Variants in ZNF385D observed in about 807,000 individuals in gnomAD.
ZNF385D encodes the protein zinc finger protein 659.
Under a neutral mutation model 35.8 loss-of-function variants are expected in ZNF385D, and 15 were observed. That is an observed-to-expected ratio of 0.42 (90% CI 0.28 to 0.64). ZNF385D has a LOEUF of 0.64. ZNF385D is among the 30% of genes least tolerant of loss of function. The probability of loss-of-function intolerance (pLI) is 0.23; values close to 1 mark genes in which losing one functional copy is unlikely to be tolerated. For synonymous variants in ZNF385D, 212 were observed against 186.8 expected, an observed-to-expected ratio of 1.13 and a Z score of -1.10; for missense variants, 474 against 494.6, an observed-to-expected ratio of 0.96 and a Z score of 0.39.
intron 3 of ZNF385D, among the ~76,000 whole-genome samples, chr3:21,886,685 T>A (rs1252462767): frequency 1.3e-4 from 20 of 152,160 alleles, no homozygotes; most frequent in Admixed American, 1.3e-3. Flanking sequence ...AGACAGCTGA[T>A]ATATATTTAT....
chr3:22,003,230 C>A (rs904714387), intron 3 of ZNF385D, among the ~76,000 whole-genome samples: 32 of 152,166 alleles, frequency 2.1e-4, no homozygotes, highest in African/African-American at 7.7e-4. Context: ...AGCTAACTTG[C>A]AGGATACAAA....
intron 3 of ZNF385D, among the ~76,000 whole-genome samples, chr3:21,758,305 T>A (rs1036211825): frequency 1.3e-5 from 2 of 152,188 alleles, no homozygotes; most frequent in African/African-American, 2.4e-5. Context: ...CAGAAATGCA[T>A]CCCATAGGCA....
At position 21,539,911 on chromosome 3, in the gene ZNF385D, T is replaced by G. The variant is rs1223637957; in HGVS notation, c.276+24663A>C. On this transcript the variant is annotated intron_variant, in intron 3 of 7. Transcript: ENST00000281523. The surrounding 1 kb of genome is among the most constrained non-coding windows in gnomAD (Gnocchi z 4.0). ...AAATATTTACTTCTCTATGTCTTTT[T>G]AAACCATGAAGATAGCTAGTTAGTT... Among the ~76,000 whole-genome samples the G allele has an allele frequency of 6.6e-6, 1 of 152,138 alleles. No homozygotes were observed. The highest frequency in any genetic ancestry group is 1.5e-5 in the Non-Finnish European group (1 of 67,996).
At chr3:21,755,139 GCTCAGTTGTGT>G (rs2070283248), upstream of ZNF385D, among the ~76,000 whole-genome samples, 1 of 152,200 alleles carries the variant, frequency 6.6e-6, no homozygotes, top group Non-Finnish European at 1.5e-5. Flanking sequence ...AGTTAGCATA[GCTCAGTTGTGT>G]CTTCCATTGC....
At chr3:22,173,259 G>C (rs1410763613) in intron 2 of ZNF385D, among the ~76,000 whole-genome samples, 2 of 152,112 alleles carry the variant, frequency 1.3e-5, no homozygotes, top group African/African-American at 2.4e-5. Flanking sequence ...ATGGGGCCTT[G>C]AAATAAAACA....
At chr3:21,693,667 G>A (rs1009010462) in intron 1 of ZNF385D, among the ~76,000 whole-genome samples, 4 of 151,922 alleles carry the variant, frequency 2.6e-5, no homozygotes, top group South Asian at 2.1e-4. Context: ...AAGTATAACA[G>A]GTGTTAGAAA....
At chr3:22,049,524 A>G (rs1225921981) in intron 3 of ZNF385D, among the ~76,000 whole-genome samples, 1 of 151,974 alleles carries the variant, frequency 6.6e-6, no homozygotes, top group Non-Finnish European at 1.5e-5. Context: ...ATCTTGCCTA[A>G]TGGCTCTAGC....
In ZNF385D at chr3:21,862,126, T is replaced by A. The variant is rs142964071; in HGVS notation, c.326-197098A>T. 8.2e-3 allele frequency among the ~76,000 whole-genome samples: 1,250 copies of A among 152,174 alleles called. 23 individuals carry two copies. The highest frequency in any genetic ancestry group is 0.028 in the African/African-American group (1,172 of 41,530). ...GTAGGTAGTAGGACAAACAGCCGAG[T>A]ACCTTGCTTATATGATCACTTTTCC... On this transcript the variant is annotated intron_variant, in intron 3 of 5. Coordinates refer to the ZNF385D transcript ENST00000494108.
chr3:22,174,741 G>A (rs139467663), intron 2 of ZNF385D, among the ~76,000 whole-genome samples: 231 of 152,144 alleles, frequency 1.5e-3, no homozygotes, highest in African/African-American at 5.2e-3. Context: ...CGATAACACT[G>A]AAATACAACT....
chr3:21,954,226 C>A lies in ZNF385D; in HGVS notation c.325+214591G>T, dbSNP rs1253303795. On this transcript the variant is annotated intron_variant, in intron 3 of 5. Coordinates refer to the ZNF385D transcript ENST00000494108. ...CTTTGCTGTAACAAGGGTCTTATAA[C>A]AATGACAACTTCAATGCCTGAATAT... is the stretch of plus-strand genomic sequence containing the variant. Among the ~76,000 whole-genome samples, 3 of 151,816 alleles carry A rather than the reference C, an allele frequency of 2.0e-5. No individual in the cohort carries two copies. In the East Asian group the frequency reaches 5.8e-4, roughly 29 times the overall value.
chr3:21,678,180 C>T (rs752704504), intron 1 of ZNF385D, among the ~76,000 whole-genome samples: 2 of 152,026 alleles, frequency 1.3e-5, no homozygotes, highest in African/African-American at 2.4e-5. Context: ...TTCCTTATAC[C>T]TCTGGCAAAG....
chr3:22,037,371 CTGT>C (rs1410344704), intron 3 of ZNF385D, among the ~76,000 whole-genome samples: 1 of 151,406 alleles, frequency 6.6e-6, no homozygotes, highest in South Asian at 2.1e-4. Flanking sequence ...TCTCCAGCAC[CTGT>C]TGTTTCCTGA....
At chr3:22,249,426 C>T (rs992948133) in intron 2 of ZNF385D, among the ~76,000 whole-genome samples, 1 of 152,120 alleles carries the variant, frequency 6.6e-6, no homozygotes, top group African/African-American at 2.4e-5. Context: ...ACGAGGGTCT[C>T]TTAAGCATTC....
chr3:22,259,411 C>A (rs1700500984), intron 2 of ZNF385D, among the ~76,000 whole-genome samples: 1 of 151,912 alleles, frequency 6.6e-6, no homozygotes, highest in African/African-American at 2.4e-5. Context: ...CTGCCAAATA[C>A]CAGTATAAGA....
rs1181880691 is a variant in ZNF385D, at chr3:21,420,234, C to T, written c.*980G>A. ...TAAAGGGGATACTGCAGAGATGCAA[C>T]ATTCTCCGTTTTTACTGGATATGTA... On this transcript the variant is annotated 3_prime_UTR_variant, in exon 8 of 8. Transcript: ENST00000281523. 6.6e-6 allele frequency: 1 copy of T among 152,172 alleles called. No homozygotes were observed. Among genetic ancestry groups the T allele is most frequent in the Non-Finnish European group, 1.5e-5 (1 of 68,034 alleles). 9.4% of individuals were successfully genotyped at this position (152,172 alleles called of 1,614,324 possible). A position where few individuals can be genotyped will look rare whatever the true frequency, so the allele number is the denominator to read the frequency against.
chr3:22,282,557 A>G (rs1009487772), intron 2 of ZNF385D, among the ~76,000 whole-genome samples: 1 of 151,966 alleles, frequency 6.6e-6, no homozygotes, highest in Non-Finnish European at 1.5e-5. Flanking sequence ...TTCCTTTTGG[A>G]GTTGATTTCC....
At chr3:21,562,711 G>GAACT (rs1048376070) in intron 3 of ZNF385D, among the ~76,000 whole-genome samples, 21 of 152,152 alleles carry the variant, frequency 1.4e-4, no homozygotes, top group African/African-American at 3.9e-4. Flanking sequence ...AGGAAAAGAG[G>GAACT]AACTAAAAAG....
intron 3 of ZNF385D, among the ~76,000 whole-genome samples, chr3:21,915,850 G>C (rs1218924238): frequency 6.6e-6 from 1 of 152,250 alleles, no homozygotes; most frequent in East Asian, 1.9e-4. Flanking sequence ...TGTCCCTAGT[G>C]AAAGAACTTT....
chr3:21,784,974 A>G (rs2071628197), intron 3 of ZNF385D, among the ~76,000 whole-genome samples: 1 of 151,706 alleles, frequency 6.6e-6, no homozygotes, highest in Admixed American at 6.6e-5. Flanking sequence ...GTTTTTGGTG[A>G]CCCCTTAAAT....
Sources: allele counts gnomAD v4.1 joint callset (sites outside exome capture counted in the v4.1 genomes callset), GRCh38; gene constraint gnomAD v4.1.1; non-coding constraint Gnocchi (gnomAD v3.1); transcripts MANE v1.5; gene names NCBI Gene and HGNC (gene_info 2026-07-23, HGNC 2026-07-21).